Variants in RPS6KA2 observed in about 807,000 individuals in gnomAD.
RPS6KA2 encodes ribosomal protein S6 kinase A2.
Under a neutral mutation model 91.8 loss-of-function variants are expected in RPS6KA2, and 42 were observed. The observed-to-expected ratio is 0.46, with a 90% CI of 0.36 to 0.59. RPS6KA2 has a LOEUF of 0.59. Ranked by LOEUF, RPS6KA2 falls within the 20% of genes least tolerant of loss-of-function variation. The pLI is 0.00. For synonymous variants in RPS6KA2, 414 were observed against 393.6 expected, an observed-to-expected ratio of 1.05 and a Z score of -0.61; for missense variants, 798 against 978.5, an observed-to-expected ratio of 0.82 and a Z score of 2.46.
chr6:166,655,576 G>C (rs1015711054), intron 2 of RPS6KA2, among the ~76,000 whole-genome samples: 27 of 152,298 alleles, frequency 1.8e-4, no homozygotes, highest in East Asian at 1.3e-3. Flanking sequence ...GAGCAGGGCG[G>C]GTAACTGAAG....
intron 17 of RPS6KA2, among the ~76,000 whole-genome samples, chr6:166,422,117 C>G (rs1778742888): frequency 6.6e-6 from 1 of 152,156 alleles, no homozygotes; most frequent in Non-Finnish European, 1.5e-5. Flanking sequence ...CCAGGCTGGT[C>G]TCCAACTCCT....
chr6:166,699,385 C>T (rs548945060), intron 2 of RPS6KA2, among the ~76,000 whole-genome samples: 4 of 151,790 alleles, frequency 2.6e-5, no homozygotes, highest in Admixed American at 6.5e-5. Context: ...TTGGATAAAA[C>T]TACAAAAAAA....
chr6:166,586,179 T>C (rs1413916356), intron 1 of RPS6KA2: 11 of 1,575,496 alleles, frequency 7.0e-6, no homozygotes, highest in African/African-American at 2.0e-5. Flanking sequence ...TTGCTGGGGA[T>C]AGTAAGGTTC....
At chr6:166,529,403 A>G (rs866185198) in intron 3 of RPS6KA2, among the ~76,000 whole-genome samples, 2 of 152,014 alleles carry the variant, frequency 1.3e-5, no homozygotes, top group South Asian at 2.1e-4. Flanking sequence ...GGGGAACATC[A>G]CACACTGGGG....
rs568154483 is a variant in RPS6KA2 at position 166,855,629 on chromosome 6, G to A, written c.123+2571C>T. 2.6e-5 allele frequency among the ~76,000 whole-genome samples: 4 copies of A among 152,226 alleles called. No individual in the cohort carries two copies. The South Asian group carries it at 6.2e-4, about 24-fold the overall frequency. On this transcript the variant is annotated intron_variant, in intron 2 of 21. Transcript: ENST00000503859. ...CCCTCTGGAGGCCAAGAAGGATGTC[G>A]AAAGCCTGTCTCTAACAAAAGTTAC...
At chr6:166,755,840 G>A (rs188686086) in intron 2 of RPS6KA2, among the ~76,000 whole-genome samples, 3 of 152,318 alleles carry the variant, frequency 2.0e-5, no homozygotes, top group Admixed American at 2.0e-4. Context: ...CGGACTCAGG[G>A]CTGAGCTGGG....
At chr6:166,449,495 T>C (rs1026942406) in intron 13 of RPS6KA2, among the ~76,000 whole-genome samples, 2 of 152,210 alleles carry the variant, frequency 1.3e-5, no homozygotes, top group African/African-American at 2.4e-5. Flanking sequence ...GAATTCTCTG[T>C]ATTCTGGTTA....
intron 2 of RPS6KA2, among the ~76,000 whole-genome samples, chr6:166,657,947 G>A (rs1387188025): frequency 6.6e-6 from 1 of 152,146 alleles, no homozygotes; most frequent in Non-Finnish European, 1.5e-5. Context: ...GCAGTGGCGA[G>A]ATCTCGGCTC....
chr6:166,826,764 G>A (rs1780058078), intron 2 of RPS6KA2, among the ~76,000 whole-genome samples: 1 of 152,146 alleles, frequency 6.6e-6, no homozygotes, highest in Non-Finnish European at 1.5e-5. Flanking sequence ...ATGAAATTCA[G>A]TACTAGATTT....
rs117092408 is a variant in RPS6KA2, at chr6:166,694,725, A to G, written c.124-155941T>C. 5.9e-3 allele frequency among the ~76,000 whole-genome samples: 896 copies of G among 152,330 alleles called. 10 individuals carry two copies. The highest frequency in any genetic ancestry group is 0.041 in the South Asian group (198 of 4,826). ...TGATTCTGTGCCTCTAGTCGAATCT[A>G]CTGTTGTTGGTGGGAAACATACCAC... On this transcript the variant is annotated intron_variant, in intron 2 of 21. Coordinates refer to the RPS6KA2 transcript ENST00000503859.
chr6:166,423,906 C>T lies in RPS6KA2; in HGVS notation c.1582-489G>A, dbSNP rs1778820175. The T allele has an allele frequency of 6.5e-6, 1 of 153,116 alleles. No individual in the cohort carries two copies. The highest frequency in any genetic ancestry group is 6.5e-5 in the Admixed American group (1 of 15,346). The allele number at this position is 153,116 out of a possible 1,614,324, so 9.5% of individuals were successfully genotyped here. On this transcript the variant is annotated intron_variant, in intron 16 of 20. Transcript: ENST00000265678. This position sits in a 1 kb window ranked among gnomAD's most constrained non-coding sequence, Gnocchi z 4.8. ...TGCAGCAACTCGTTGGGGAGACGGA[C>T]CAGGGCCACGCGATCATGCAGTCAC...
intron 10 of RPS6KA2, among the ~76,000 whole-genome samples, chr6:166,477,789 T>C (rs1053966579): frequency 3.9e-5 from 6 of 152,122 alleles, no homozygotes; most frequent in Non-Finnish European, 8.8e-5. Context: ...TGCATGCCTG[T>C]AGTCCCAGCT....
At position 166,498,535 on chromosome 6, in the gene RPS6KA2, G is replaced by A. The variant is rs572273136; in HGVS notation, c.720C>T (p.Ala240=). Residue 240 remains alanine, a synonymous_variant, in exon 8 of 21, where the codon GCC becomes GCT. Transcript: ENST00000265678. ...VVNRRGHTQS[A]DWWSFGVLMF... is the part of the protein sequence containing the mutation. ...TGAGCACGCCGAAGGACCACCAGTC[G>A]GCACTCTGCGTGTGTCCTCGCCGGT... The A allele has an allele frequency of 2.2e-5, 35 of 1,612,636 alleles. No individual in the cohort carries two copies. Among genetic ancestry groups the A allele is most frequent in the African/African-American group, 1.6e-4 (12 of 74,944 alleles).
chr6:166,512,753 C>G (rs902424409), intron 3 of RPS6KA2, among the ~76,000 whole-genome samples: 3 of 152,254 alleles, frequency 2.0e-5, no homozygotes, highest in Non-Finnish European at 2.9e-5. Context: ...ATGGCTCCCC[C>G]TCCTGGGGCT....
chr6:166,623,701 C>T (rs1337705722), intron 1 of RPS6KA2, among the ~76,000 whole-genome samples: 1 of 152,188 alleles, frequency 6.6e-6, no homozygotes, highest in East Asian at 1.9e-4. Flanking sequence ...GAAAGCAGAG[C>T]TCTCTTGGGG....
In RPS6KA2 at chr6:166,494,960, C is replaced by T. The variant is rs1223504841; in HGVS notation, c.747+3548G>A. Among the ~76,000 whole-genome samples, 3 of 152,210 alleles carry T rather than the reference C, an allele frequency of 2.0e-5. No individual in the cohort carries two copies. Among genetic ancestry groups the T allele is most frequent in the Non-Finnish European group, 4.4e-5 (3 of 68,040 alleles). ...ATACGACTTCAAAGGTCACCCGAGG[C>T]CCATCTCTTAGCTGCAAATGAGAAT... On this transcript the variant is annotated intron_variant, in intron 8 of 20. Transcript: ENST00000265678. This position sits in a 1 kb window ranked among gnomAD's most constrained non-coding sequence, Gnocchi z 5.1.
intron 19 of RPS6KA2, among the ~76,000 whole-genome samples, chr6:166,415,204 G>C (rs1045119854): frequency 6.6e-6 from 1 of 152,170 alleles, no homozygotes; most frequent in Non-Finnish European, 1.5e-5. Flanking sequence ...AATGCCTTTT[G>C]ATATTTGATA....
rs560803654 is a variant in RPS6KA2, at chr6:166,448,644, C to T, written c.1332+80G>A. On this transcript the variant is annotated intron_variant, in intron 14 of 20. Coordinates refer to ENST00000265678, the MANE Select transcript of RPS6KA2 (RefSeq NM_021135.6). This position sits in a 1 kb window ranked among gnomAD's most constrained non-coding sequence, Gnocchi z 4.7. The stretch of plus-strand genomic sequence containing the variant: ...CACAGGGCCCTGCTATGCTCCTATG[C>T]TCCGTGCTCCCACATACCACACGTG... The T allele has an allele frequency of 2.8e-4, 412 of 1,495,370 alleles. 2 individuals carry two copies. The highest frequency in any genetic ancestry group is 2.4e-4 in the Non-Finnish European group (262 of 1,109,306). The allele number at this position is 1,495,370 out of a possible 1,614,324, so 92.6% of individuals were successfully genotyped here.
At chr6:166,485,101 C>G (rs899500863) in intron 10 of RPS6KA2, among the ~76,000 whole-genome samples, 7 of 152,228 alleles carry the variant, frequency 4.6e-5, no homozygotes, top group African/African-American at 1.7e-4. Context: ...TCTGCCACCA[C>G]CCATGGGGCC....
Sources: gnomAD v4.1 joint callset for allele counts (sites outside exome capture counted in the v4.1 genomes callset) on GRCh38, gnomAD v4.1.1 for gene constraint, Gnocchi (gnomAD v3.1) non-coding constraint, MANE v1.5 for transcripts, NCBI Gene and HGNC (gene_info 2026-07-23, HGNC 2026-07-21) for gene names.